ARHGAP15: variants seen among roughly 807,000 people sequenced by gnomAD.
ARHGAP15 encodes rho GTPase-activating protein 15.
Under a neutral mutation model 63.7 loss-of-function variants are expected in ARHGAP15, and 51 were observed. The observed-to-expected ratio is 0.80, with a 90% CI of 0.64 to 1.01. The LOEUF (loss-of-function observed/expected upper bound fraction) is 1.01. ARHGAP15 is among the 50% of genes least tolerant of loss of function. ARHGAP15 has a pLI of 0.00. For missense variants in ARHGAP15, 560 were observed against 564.6 expected (o/e 0.99, Z 0.08); for synonymous variants, 191 against 193.8 (o/e 0.99, Z 0.12).
chr2:143,304,202 C>A (rs1683058599), intron 6 of ARHGAP15, among the ~76,000 whole-genome samples: 1 of 152,086 alleles, frequency 6.6e-6, no homozygotes, highest in African/African-American at 2.4e-5. Flanking sequence ...TTGGAACCAA[C>A]CCAAATGTCC....
At position 143,227,706 on chromosome 2, in the gene ARHGAP15, C is replaced by T. The variant is rs79861623; in HGVS notation, c.297-875C>T. On this transcript the variant is annotated intron_variant, in intron 4 of 13. Transcript: ENST00000295095. ...TTCTACAGCATAGGGTTCATTATTC[C>T]ATTATATGGACCTATTATATGCAAT... Among the ~76,000 whole-genome samples the T allele has an allele frequency of 8.7e-3, 1,325 of 152,142 alleles. 26 individuals are homozygous for T. Among genetic ancestry groups the T allele is most frequent in the African/African-American group, 0.03 (1,256 of 41,518 alleles).
chr2:143,710,773 A>G (rs1235043527), intron 13 of ARHGAP15, among the ~76,000 whole-genome samples: 1 of 152,224 alleles, frequency 6.6e-6, no homozygotes, highest in African/African-American at 2.4e-5. Flanking sequence ...CCTAATGGAA[A>G]GAATTTGGAA....
chr2:143,278,721 A>C (rs1211724141), intron 6 of ARHGAP15, among the ~76,000 whole-genome samples: 1 of 152,142 alleles, frequency 6.6e-6, no homozygotes, highest in Non-Finnish European at 1.5e-5. Flanking sequence ...AGCAATTTAA[A>C]AATACAAGAA....
intron 13 of ARHGAP15, among the ~76,000 whole-genome samples, chr2:143,732,067 GATGA>G (rs953157908): frequency 5.9e-5 from 9 of 152,336 alleles, no homozygotes; most frequent in South Asian, 2.1e-4. Flanking sequence ...GAATTAGACA[GATGA>G]ATGAATGAAT....
chr2:143,301,689 A>G (rs1424231437), intron 6 of ARHGAP15, among the ~76,000 whole-genome samples: 1 of 151,958 alleles, frequency 6.6e-6, no homozygotes, highest in East Asian at 1.9e-4. Flanking sequence ...TTAAATATGT[A>G]TACAAAATTT....
chr2:143,652,952 T>G (rs764403753), intron 12 of ARHGAP15, among the ~76,000 whole-genome samples: 2 of 152,118 alleles, frequency 1.3e-5, no homozygotes, highest in African/African-American at 2.4e-5. Flanking sequence ...TAAGTAGAAA[T>G]GATGAGAGTG....
At chr2:143,477,819 T>C (rs1425383594) in intron 8 of ARHGAP15, among the ~76,000 whole-genome samples, 1 of 152,196 alleles carries the variant, frequency 6.6e-6, no homozygotes. Flanking sequence ...CCTGAACTCT[T>C]ACACTCAGTT....
chr2:143,566,346 C>T (rs1407485987), intron 11 of ARHGAP15, among the ~76,000 whole-genome samples: 1 of 152,060 alleles, frequency 6.6e-6, no homozygotes, highest in African/African-American at 2.4e-5. Context: ...AAGATTTTGG[C>T]TTTTACAGCA....
At position 143,349,016 on chromosome 2, in the gene ARHGAP15, A is replaced by T. The variant is rs1022524717; in HGVS notation, c.475-86585A>T. ...AAGAGAAATGTGGGTACTGGAAGGA[A>T]TGAAATAACTCCTAACATCCTGAAC... On this transcript the variant is annotated intron_variant, in intron 6 of 13. Coordinates refer to ENST00000295095, the MANE Select transcript of ARHGAP15 (RefSeq NM_018460.4). Among the ~76,000 whole-genome samples the T allele has an allele frequency of 4.6e-5, 7 of 152,190 alleles. 1 individual carries two copies. Among genetic ancestry groups the T allele is most frequent in the Admixed American group, 1.3e-4 (2 of 15,278 alleles).
At chr2:143,172,536 T>A (rs143650121) in intron 2 of ARHGAP15, among the ~76,000 whole-genome samples, 1 of 152,144 alleles carries the variant, frequency 6.6e-6, no homozygotes, top group East Asian at 1.9e-4. Context: ...GCTAGATTGG[T>A]TGAGTGGGTA....
chr2:143,352,791 T>C (rs1243212235), intron 6 of ARHGAP15, among the ~76,000 whole-genome samples: 1 of 152,220 alleles, frequency 6.6e-6, no homozygotes, highest in Non-Finnish European at 1.5e-5. Flanking sequence ...CATAGGCAGA[T>C]TATTTCCACA....
intron 3 of ARHGAP15, among the ~76,000 whole-genome samples, chr2:143,205,375 A>T (rs532295361): frequency 2.6e-5 from 4 of 152,030 alleles, no homozygotes; most frequent in African/African-American, 9.7e-5. Context: ...ACCAGATGGC[A>T]TACTACAGCA....
intron 6 of ARHGAP15, among the ~76,000 whole-genome samples, chr2:143,367,716 A>G (rs768047774): frequency 6.6e-6 from 1 of 151,898 alleles, no homozygotes; most frequent in Admixed American, 6.6e-5. Context: ...ATCCCTTCAT[A>G]TCTGTAATTC....
chr2:143,348,230 A>C (rs1418311124), intron 6 of ARHGAP15, among the ~76,000 whole-genome samples: 1 of 152,196 alleles, frequency 6.6e-6, no homozygotes, highest in Non-Finnish European at 1.5e-5. Flanking sequence ...TCACATGACA[A>C]TTACTGCGTG....
At chr2:143,331,950 A>G (rs1035653175) in intron 6 of ARHGAP15, among the ~76,000 whole-genome samples, 1 of 152,080 alleles carries the variant, frequency 6.6e-6, no homozygotes, top group African/African-American at 2.4e-5. Flanking sequence ...CAAAGCATAC[A>G]TTTCTAGAGT....
At chr2:143,183,439 C>T (rs980202515) in intron 2 of ARHGAP15, among the ~76,000 whole-genome samples, 1 of 152,152 alleles carries the variant, frequency 6.6e-6, no homozygotes, top group East Asian at 1.9e-4. Flanking sequence ...GTAGTGGGAA[C>T]AACAATCAAT....
intron 6 of ARHGAP15, among the ~76,000 whole-genome samples, chr2:143,425,041 G>A (rs1689084220): frequency 6.6e-6 from 1 of 152,106 alleles, no homozygotes; most frequent in South Asian, 2.1e-4. Flanking sequence ...CATTATCATA[G>A]TTTCAACAAT....
intron 12 of ARHGAP15, among the ~76,000 whole-genome samples, chr2:143,688,017 A>G (rs1381548461): frequency 6.6e-6 from 1 of 152,180 alleles, no homozygotes; most frequent in Non-Finnish European, 1.5e-5. Context: ...AATTTACAGA[A>G]AAGTGAAAAG....
chr2:143,243,755 TA>T (rs1693950940), intron 5 of ARHGAP15, among the ~76,000 whole-genome samples: 2 of 152,292 alleles, frequency 1.3e-5, no homozygotes, highest in Admixed American at 1.3e-4. Flanking sequence ...GTTTAACATT[TA>T]AACACTGAGA....
Sources: allele counts gnomAD v4.1 joint callset (sites outside exome capture counted in the v4.1 genomes callset), GRCh38; gene constraint gnomAD v4.1.1; transcripts MANE v1.5; gene names NCBI Gene and HGNC (gene_info 2026-07-23, HGNC 2026-07-21).